KIFAP3: variants seen among roughly 807,000 people sequenced by gnomAD.
The protein encoded by KIFAP3 is kinesin-associated protein 3.
In KIFAP3, 68 loss-of-function variants were observed where a neutral mutation model predicts 106.5. That is an observed-to-expected ratio of 0.64 (90% CI 0.53 to 0.78). KIFAP3 has a LOEUF of 0.78. KIFAP3 is among the 30% of genes least tolerant of loss of function. The pLI is 0.00. For synonymous variants in KIFAP3, 320 were observed against 311.5 expected (o/e 1.03, Z -0.29); for missense variants, 780 against 941.8 (o/e 0.83, Z 2.25).
intron 1 of KIFAP3, among the ~76,000 whole-genome samples, chr1:170,060,757 A>G (rs1036440877): frequency 7.9e-5 from 12 of 152,202 alleles, no homozygotes; most frequent in Admixed American, 2.6e-4. Context: ...CTGATTTTAA[A>G]CTATACTACA....
intron 10 of KIFAP3, among the ~76,000 whole-genome samples, chr1:170,015,491 T>C (rs1448136659): frequency 6.6e-6 from 1 of 152,170 alleles, no homozygotes; most frequent in African/African-American, 2.4e-5. Context: ...TATAATAACA[T>C]TGTTGTGCAG....
At chr1:170,059,197 CA>C (rs1012583138) in intron 1 of KIFAP3, among the ~76,000 whole-genome samples, 1 of 149,842 alleles carries the variant, frequency 6.7e-6, no homozygotes, top group Admixed American at 6.7e-5. Flanking sequence ...GATAGAGACA[CA>C]AAAAAAATCA....
At chr1:170,036,225 A>C (rs1190181022) in intron 5 of KIFAP3, among the ~76,000 whole-genome samples, 2 of 152,120 alleles carry the variant, frequency 1.3e-5, no homozygotes, top group African/African-American at 4.8e-5. Flanking sequence ...TACATGGCAT[A>C]CTAATTCTTA....
In KIFAP3 at chr1:169,982,300, T is replaced by C. The variant is rs193192551; in HGVS notation, c.1673-203A>G. Reference sequence around the variant, plus strand: ...TTGTGATAGTGGGGGCAGGGGGCAGTAGAAAAGTGGAAATGAGCCTTTGAG... The same window carrying C: ...TTGTGATAGTGGGGGCAGGGGGCAGCAGAAAAGTGGAAATGAGCCTTTGAG... On this transcript the variant is annotated intron_variant, in intron 14 of 19. Transcript: ENST00000361580. 1.4e-3 allele frequency among the ~76,000 whole-genome samples: 209 copies of C among 152,182 alleles called. 3 individuals carry two copies. Among genetic ancestry groups the C allele is most frequent in the Admixed American group, 0.012 (179 of 15,272 alleles).
At chr1:170,054,039 C>T (rs1213610295) in intron 2 of KIFAP3, among the ~76,000 whole-genome samples, 1 of 152,190 alleles carries the variant, frequency 6.6e-6, no homozygotes, top group Non-Finnish European at 1.5e-5. Context: ...AAGAAACTAA[C>T]ATCAGAGTGA....
intron 17 of KIFAP3, among the ~76,000 whole-genome samples, chr1:169,964,634 C>T (rs1665510907): frequency 1.3e-5 from 2 of 152,044 alleles, no homozygotes; most frequent in African/African-American, 4.8e-5. Context: ...ACTGAGCTGG[C>T]CATACTTGGG....
Position 169,921,574 on chromosome 1 carries a change from C to T in KIFAP3, c.*102G>A. On this transcript the variant is annotated 3_prime_UTR_variant, in exon 20 of 20. Coordinates refer to ENST00000361580, the MANE Select transcript of KIFAP3 (RefSeq NM_014970.4). ...TATAAAAATAAAAACAAACACAGAC[C>T]CACAATAACATCAACATGCATTATT... is the stretch of plus-strand genomic sequence containing the variant. 1 of 835,422 alleles carries T rather than the reference C, an allele frequency of 1.2e-6. No individual in the cohort carries two copies. Among genetic ancestry groups the T allele is most frequent in the Non-Finnish European group, 2.0e-6 (1 of 510,246 alleles). The allele number at this position is 835,422 out of a possible 1,614,324, so 51.8% of individuals were successfully genotyped here. A position where few individuals can be genotyped will look rare whatever the true frequency, so the allele number is the denominator to read the frequency against.
At chr1:169,929,959 G>C (rs1663373127) in intron 19 of KIFAP3, among the ~76,000 whole-genome samples, 2 of 152,082 alleles carry the variant, frequency 1.3e-5, no homozygotes, top group African/African-American at 4.8e-5. Flanking sequence ...TAATGATGAA[G>C]GGAACGTGTG....
rs186656604 is a variant in KIFAP3 at position 169,998,320 on chromosome 1, C to T, written c.1184-6065G>A. On this transcript the variant is annotated intron_variant, in intron 10 of 19. Coordinates refer to ENST00000361580, the MANE Select transcript of KIFAP3 (RefSeq NM_014970.4). ...AAACCTATATGACAGAGGTGTTTTC[C>T]CCATGTTTTAGCTGAACACAACTGA... Among the ~76,000 whole-genome samples, 125 of 151,358 alleles carry T rather than the reference C, an allele frequency of 8.3e-4. 1 individual carries two copies. Among genetic ancestry groups the T allele is most frequent in the Non-Finnish European group, 1.4e-3 (97 of 67,864 alleles).
chr1:170,005,972 G>A (rs927508134), intron 10 of KIFAP3, among the ~76,000 whole-genome samples: 1 of 151,886 alleles, frequency 6.6e-6, no homozygotes, highest in African/African-American at 2.4e-5. Flanking sequence ...TAGCCCCCTC[G>A]AGTCTTTCCC....
At chr1:169,972,931 T>C (rs1285507469) in intron 16 of KIFAP3, among the ~76,000 whole-genome samples, 2 of 151,340 alleles carry the variant, frequency 1.3e-5, no homozygotes, top group Admixed American at 1.3e-4. Context: ...TGTGTAGCTA[T>C]AAATGCTTCT....
At chr1:169,925,964 T>C (rs892524775) in intron 19 of KIFAP3, among the ~76,000 whole-genome samples, 1 of 152,196 alleles carries the variant, frequency 6.6e-6, no homozygotes, top group African/African-American at 2.4e-5. Context: ...GAGCAAGTAA[T>C]GAATTTATTA....
At chr1:170,082,829 C>A (rs1049038939) in intron 1 of KIFAP3, among the ~76,000 whole-genome samples, 1 of 151,884 alleles carries the variant, frequency 6.6e-6, no homozygotes, top group South Asian at 2.1e-4. Context: ...AAAAATTAGC[C>A]AGGTGTGGTG....
chr1:169,966,721 AAAATATTT>A (rs61656295), intron 17 of KIFAP3, among the ~76,000 whole-genome samples: 140,580 of 151,422 alleles, frequency 0.93, 65,304 homozygotes, highest in East Asian at 1. Flanking sequence ...GGATAACTGG[AAAATATTT>A]TAAAATATGT....
At chr1:169,992,297 T>TA (rs771408912) in intron 10 of KIFAP3, 42 bp from the exon 11 acceptor site, 15 of 1,030,500 alleles carry the variant, frequency 1.5e-5, no homozygotes, top group Middle Eastern at 2.6e-4. Context: ...TAAATATATA[T>TA]TTTTTATATA....
At chr1:169,970,048 T>C (rs1274946332) in intron 17 of KIFAP3, among the ~76,000 whole-genome samples, 1 of 152,064 alleles carries the variant, frequency 6.6e-6, no homozygotes, top group Non-Finnish European at 1.5e-5. Flanking sequence ...ACAAATCTAA[T>C]TGAGTTTTTA....
chr1:170,008,268 CG>C (rs1445051549), intron 10 of KIFAP3, among the ~76,000 whole-genome samples: 1 of 151,378 alleles, frequency 6.6e-6, no homozygotes, highest in Non-Finnish European at 1.5e-5. Flanking sequence ...AATTGACAAA[CG>C]GGATCTAATT....
At chr1:170,038,188 AG>A in intron 5 of KIFAP3, 101 bp downstream of exon 5, 1 of 892,410 alleles carries the variant, frequency 1.1e-6, no homozygotes, top group Non-Finnish European at 1.6e-6. Context: ...AATCTGAGTA[AG>A]AAAGAAATAA....
intron 1 of KIFAP3, among the ~76,000 whole-genome samples, chr1:170,066,420 A>T (rs1671449639): frequency 6.6e-6 from 1 of 152,200 alleles, no homozygotes; most frequent in South Asian, 2.1e-4. Flanking sequence ...GAAACAGAGG[A>T]TTAAGGTAAT....
Sources: gnomAD v4.1 joint callset for allele counts (sites outside exome capture counted in the v4.1 genomes callset) on GRCh38, gnomAD v4.1.1 for gene constraint, MANE v1.5 for transcripts, NCBI Gene and HGNC (gene_info 2026-07-23, HGNC 2026-07-21) for gene names.